MDFI: variants seen among roughly 807,000 people sequenced by gnomAD.
The protein encoded by MDFI is MyoD family inhibitor, also known as inhibitor of MyoD family a.
In MDFI, 16 loss-of-function variants were observed where a neutral mutation model predicts 22.3. The observed-to-expected ratio is 0.72, with a 90% CI of 0.49 to 1.09. The LOEUF (loss-of-function observed/expected upper bound fraction) is 1.09, where lower values mean the gene tolerates loss of function less well. Among genes scored for constraint, MDFI ranks in the 50% least tolerant of loss-of-function variants. The pLI, the probability that MDFI is intolerant of heterozygous loss-of-function variation, is 0.00. For missense variants in MDFI, 314 were observed against 326.1 expected (o/e 0.96, Z 0.29); for synonymous variants, 145 against 142.7 (o/e 1.02, Z -0.12).
intron 3 of MDFI, 63 bp from the exon 4 acceptor site, chr6:41,649,556 A>G: frequency 7.0e-6 from 10 of 1,422,570 alleles, no homozygotes; most frequent in Non-Finnish European, 9.5e-6. Flanking sequence ...GGATTCGAGC[A>G]TAGCTCTGGG....
intron 2 of MDFI, among the ~76,000 whole-genome samples, chr6:41,643,587 A>AGGGG (rs1561829759): frequency 1.6e-5 from 1 of 61,530 alleles, no homozygotes; most frequent in Non-Finnish European, 3.0e-5. Context: ...GGAGGGAGGG[A>AGGGG]GGGAGGGAGG....
chr6:41,653,290 C>G lies in MDFI; in HGVS notation c.485-29C>G, dbSNP rs1173258349. 6.2e-7 allele frequency: 1 copy of G among 1,601,842 alleles called. No individual in the cohort carries two copies. Among genetic ancestry groups the G allele is most frequent in the South Asian group, 1.1e-5 (1 of 90,566 alleles). The stretch of plus-strand genomic sequence containing the variant: ...CACGCTCATCCCTCCCCTCTCTCAC[C>G]CGTCCCCCTCTCCACCGCCACCCCG... On this transcript the variant is annotated intron_variant, in intron 4 of 4. Transcript: ENST00000230321. This position sits in a 1 kb window ranked among gnomAD's most constrained non-coding sequence, Gnocchi z 4.2.
chr6:41,647,919 T>C (rs78311376), intron 3 of MDFI, among the ~76,000 whole-genome samples: 21,209 of 151,428 alleles, frequency 0.14, 1,587 homozygotes, highest in South Asian at 0.27. Flanking sequence ...GGCGGGCGCA[T>C]GTAGTCCCTA....
intron 4 of MDFI, among the ~76,000 whole-genome samples, chr6:41,651,063 C>T (rs1336729791): frequency 6.6e-6 from 1 of 151,898 alleles, no homozygotes; most frequent in African/African-American, 2.4e-5. Flanking sequence ...AAAAATTAGC[C>T]AGGCGTGGCG....
At chr6:41,651,693 T>C (rs1768277196) in intron 4 of MDFI, among the ~76,000 whole-genome samples, 1 of 152,158 alleles carries the variant, frequency 6.6e-6, no homozygotes, top group Non-Finnish European at 1.5e-5. Flanking sequence ...CACACAGGAA[T>C]GCAGGAGAAC....
At chr6:41,646,002 A>C in intron 2 of MDFI, 124 bp from the exon 3 acceptor site, 1 of 873,788 alleles carries the variant, frequency 1.1e-6, no homozygotes, top group Non-Finnish European at 1.7e-6. Flanking sequence ...AGGGCTGCAT[A>C]ACTGATGCAG....
chr6:41,643,583 AGGGAGGGAGGGAG>A (rs1561829732), intron 2 of MDFI, among the ~76,000 whole-genome samples: 53 of 67,458 alleles, frequency 7.9e-4, no homozygotes, highest in Middle Eastern at 7.6e-3. Context: ...GGAAGGAGGG[AGGGAGGGAGGGAG>A]GGAGGGAAGG....
rs1386015888 is a variant in MDFI at position 41,653,094 on chromosome 6, A to G, written c.485-225A>G. Among the ~76,000 whole-genome samples the G allele has an allele frequency of 1.3e-5, 2 of 152,216 alleles. No homozygotes were observed. On this transcript the variant is annotated intron_variant, in intron 4 of 4. Coordinates refer to ENST00000230321, the MANE Select transcript of MDFI (RefSeq NM_005586.4). The surrounding 1 kb of genome is among the most constrained non-coding windows in gnomAD (Gnocchi z 4.2). The stretch of plus-strand genomic sequence containing the variant: ...AAATAAACAGAGGGTGGCTAAGAGC[A>G]AGGATGATCCAGACTGCCCGCTCCG...
At position 41,638,724 on chromosome 6, in the gene MDFI, C is replaced by T. The variant is rs1581822768; in HGVS notation, c.-11-15C>T. 6.4e-7 allele frequency: 1 copy of T among 1,551,906 alleles called. No individual in the cohort carries two copies. The highest frequency in any genetic ancestry group is 2.4e-5 in the East Asian group (1 of 41,998). On this transcript the variant is annotated splice_polypyrimidine_tract_variant and intron_variant, in intron 1 of 4. Transcript: ENST00000230321. This position sits in a 1 kb window ranked among gnomAD's most constrained non-coding sequence, Gnocchi z 7.6. ...CCCGCCTCCGGCGCCGCCCGCTGAG[C>T]CCTGTTTTCCGCAGGTCCGGGGCCG...
chr6:41,648,279 A>C (rs1768132571), intron 3 of MDFI, among the ~76,000 whole-genome samples: 1 of 152,022 alleles, frequency 6.6e-6, no homozygotes, highest in African/African-American at 2.4e-5. Flanking sequence ...CCTCTCTGAC[A>C]CTTGCTAGCT....
intron 2 of MDFI, among the ~76,000 whole-genome samples, chr6:41,640,432 C>T (rs933730312): frequency 6.6e-6 from 1 of 152,168 alleles, no homozygotes; most frequent in Non-Finnish European, 1.5e-5. Context: ...TGGGCTGTAA[C>T]TTGAGGCCCC....
chr6:41,643,120 A>G (rs1211148649), intron 2 of MDFI, among the ~76,000 whole-genome samples: 3 of 152,136 alleles, frequency 2.0e-5, no homozygotes, highest in East Asian at 1.9e-4. Flanking sequence ...ATGCCCTGCT[A>G]TCATTCTAGG....
chr6:41,652,444 G>A (rs1314301073), intron 4 of MDFI, among the ~76,000 whole-genome samples: 1 of 152,172 alleles, frequency 6.6e-6, no homozygotes, highest in Non-Finnish European at 1.5e-5. Flanking sequence ...GGAGGGCCAG[G>A]ATCCAACAGG....
intron 3 of MDFI, among the ~76,000 whole-genome samples, chr6:41,646,736 C>G (rs979343664): frequency 6.6e-6 from 1 of 152,140 alleles, no homozygotes; most frequent in African/African-American, 2.4e-5. Context: ...AGGCCTGGCT[C>G]GAGTTCTCCA....
intron 4 of MDFI, among the ~76,000 whole-genome samples, chr6:41,651,411 T>C (rs1461291715): frequency 6.7e-6 from 1 of 148,498 alleles, no homozygotes; most frequent in African/African-American, 2.5e-5. Flanking sequence ...GAACATGCCT[T>C]AAAAGACCAG....
rs957488556 is a variant in MDFI, at chr6:41,652,555, A to T, written c.485-764A>T. Among the ~76,000 whole-genome samples, 5 of 148,192 alleles carry T rather than the reference A, an allele frequency of 3.4e-5. No individual in the cohort carries two copies. The East Asian group carries it at 1.0e-3, about 30-fold the overall frequency. On this transcript the variant is annotated intron_variant, in intron 4 of 4. Coordinates refer to ENST00000230321, the MANE Select transcript of MDFI (RefSeq NM_005586.4). Reference sequence around the variant, plus strand: ...GCAGGCTGTCGAAGGTGTCCAGGTGAGAGATGAGCCAGGTGGTAGGATTCT... The same window carrying T: ...GCAGGCTGTCGAAGGTGTCCAGGTGTGAGATGAGCCAGGTGGTAGGATTCT...
upstream of MDFI, chr6:41,638,074 A>T (rs1230243171): frequency 6.6e-6 from 1 of 152,252 alleles, no homozygotes; most frequent in Non-Finnish European, 1.5e-5. The surrounding 1 kb of genome is among the most constrained non-coding windows in gnomAD (Gnocchi z 7.6). Context: ...AGAGATTTGG[A>T]GGCCGCAATT....
Position 41,638,770 on chromosome 6 carries a change from G to A in MDFI, c.21G>A (p.Gln7=). 4 of 1,570,808 alleles carry A rather than the reference G, an allele frequency of 2.5e-6. No homozygotes were observed. The highest frequency in any genetic ancestry group is 2.6e-6 in the Non-Finnish European group (3 of 1,164,242). MYQVSG[Q]RPSGCDAPYG... is the part of the protein sequence containing the mutation. ...GGCCGATGTACCAGGTGAGCGGCCA[G>A]CGCCCCTCTGGCTGCGACGCGCCCT... is the stretch of plus-strand genomic sequence containing the variant. Residue 7 remains glutamine (Q), a synonymous_variant, in exon 2 of 5, where the codon CAG becomes CAA. Transcript: ENST00000230321. This position sits in a 1 kb window ranked among gnomAD's most constrained non-coding sequence, Gnocchi z 7.6.
chr6:41,650,489 G>T (rs1486278440), intron 4 of MDFI, among the ~76,000 whole-genome samples: 2 of 152,112 alleles, frequency 1.3e-5, no homozygotes, highest in Admixed American at 1.3e-4. Flanking sequence ...ACCCTGGCCT[G>T]GGCATCTGCA....
Sources: allele counts gnomAD v4.1 joint callset (sites outside exome capture counted in the v4.1 genomes callset), GRCh38; gene constraint gnomAD v4.1.1; non-coding constraint Gnocchi (gnomAD v3.1); transcripts MANE v1.5; gene names NCBI Gene and HGNC (gene_info 2026-07-23, HGNC 2026-07-21).